Variants in TCP11 observed in about 807,000 individuals in gnomAD.
TCP11 encodes t-complex 11.
TCP11 carries 34 observed loss-of-function variants against 45.0 expected under a neutral mutation model. The ratio of observed to expected loss-of-function variants is 0.76; its 90% CI spans 0.57 to 1.01. The LOEUF (loss-of-function observed/expected upper bound fraction) is 1.01, where lower values mean the gene tolerates loss of function less well. Ranked by LOEUF, TCP11 falls within the 50% of genes least tolerant of loss-of-function variation. The pLI is 0.00. For synonymous variants in TCP11, 227 were observed against 227.0 expected (o/e 1.00, Z 0.00); for missense variants, 523 against 598.1 (o/e 0.87, Z 1.31).
chr6:35,140,299 GC>G (rs1781577948), intron 2 of TCP11: 1 of 1,177,802 alleles, frequency 8.5e-7, no homozygotes. Flanking sequence ...AAGACCTTGT[GC>G]CCCAACAAGA....
chr6:35,141,182 G>T, intron 1 of TCP11, 23 bp downstream of exon 1: 1 of 1,374,482 alleles, frequency 7.3e-7, no homozygotes, highest in South Asian at 1.7e-5. Flanking sequence ...GCCCAGGCCC[G>T]CCTCCGGCTC....
chr6:35,127,301 C>T (rs1370324007), intron 4 of TCP11, among the ~76,000 whole-genome samples: 4 of 152,198 alleles, frequency 2.6e-5, no homozygotes, highest in Admixed American at 1.3e-4. Flanking sequence ...ATGCCTGAAA[C>T]TCAGGAGATT....
Position 35,122,266 on chromosome 6 carries a change from G to T in TCP11, c.429C>A (p.Asp143Glu). ...RIEIEEALDM[D>E]LLKQEAEHGA... ...CATGTTCTGCCTCCTGCTTGAGCAA[G>T]TCCATGTCCAGAGCTTCTTCAATCT... Residue 143 changes from aspartate to glutamate, a missense_variant, in exon 5 of 10, where the codon GAC (aspartate) becomes GAA (glutamate). Around this residue, in one of 2 missense-constraint regions of TCP11, gnomAD observed 225 missense variants for 210.2 expected, o/e 1.07. Transcript: ENST00000311875. The T allele has an allele frequency of 6.2e-7, 1 of 1,614,146 alleles. No homozygotes were observed. Among genetic ancestry groups the T allele is most frequent in the Non-Finnish European group, 8.5e-7 (1 of 1,180,032 alleles).
chr6:35,128,753 G>T lies in TCP11; in HGVS notation c.357+309C>A, dbSNP rs1057007152. On this transcript the variant is annotated intron_variant, in intron 4 of 9. Transcript: ENST00000311875. ...CAGTAACGTCTCATGGCATAGCTATGCCCTCTCAAATGAGGTCCTTGGTTG... is the reference window on the plus strand; with the variant it reads ...CAGTAACGTCTCATGGCATAGCTATTCCCTCTCAAATGAGGTCCTTGGTTG... 3 of 244,286 alleles carry T rather than the reference G, an allele frequency of 1.2e-5. No individual in the cohort carries two copies. The East Asian group carries it at 3.6e-4, about 30-fold the overall frequency. The allele number at this position is 244,286 out of a possible 1,614,324, so 15.1% of individuals were successfully genotyped here.
chr6:35,136,111 T>C lies in TCP11; in HGVS notation c.232A>G (p.Ser78Gly), dbSNP rs771291103. 3.7e-6 allele frequency: 6 copies of C among 1,613,072 alleles called. No individual in the cohort carries two copies. The South Asian group carries it at 5.5e-5, about 15-fold the overall frequency. The part of the protein sequence containing the change: ...YYMEEKVLPP[S>G]SLEGKVKETV... ...AGAAAGAAGAAGAGTCTATACCTGC[T>C]TGGAGGTAAAACCTTCTCTTCCATG... Residue 78 changes from serine (S) to glycine (G), a missense_variant, in exon 3 of 10, where the codon AGC becomes GGC. Ser to Gly is a moderately conservative substitution (Grantham distance 56, BLOSUM62 0). Coordinates refer to ENST00000311875, the MANE Select transcript of TCP11 (RefSeq NM_001370687.1).
At position 35,136,345 on chromosome 6, in the gene TCP11, T is replaced by C. The variant is rs1258018795; in HGVS notation, c.125-127A>G. 4.7e-6 allele frequency: 3 copies of C among 638,506 alleles called. No individual in the cohort carries two copies. The East Asian group carries it at 8.5e-5, about 18-fold the overall frequency. The allele number at this position is 638,506 out of a possible 1,614,324, so 39.6% of individuals were successfully genotyped here. On this transcript the variant is annotated intron_variant, in intron 2 of 9. Coordinates refer to ENST00000311875, the MANE Select transcript of TCP11 (RefSeq NM_001370687.1). The stretch of plus-strand genomic sequence containing the variant: ...CTTACACAGACTCACCCAACTATTC[T>C]AGTGATTTATGTTTTCTGCACTCTA...
chr6:35,126,385 A>G (rs1779822532), intron 4 of TCP11, among the ~76,000 whole-genome samples: 1 of 152,158 alleles, frequency 6.6e-6, no homozygotes, highest in Non-Finnish European at 1.5e-5. Context: ...TAATCACAGA[A>G]TGCCTTATCA....
intron 3 of TCP11, among the ~76,000 whole-genome samples, chr6:35,135,266 T>C (rs1450071112): frequency 6.6e-6 from 1 of 152,138 alleles, no homozygotes; most frequent in African/African-American, 2.4e-5. Context: ...GTTCTCTCCC[T>C]TGGAGGAAAG....
At chr6:35,136,568 G>C (rs1781141370) in intron 2 of TCP11, among the ~76,000 whole-genome samples, 1 of 91,378 alleles carries the variant, frequency 1.1e-5, no homozygotes, top group Admixed American at 1.3e-4. Flanking sequence ...TAAGTATTAA[G>C]GTTCCACGTT....
intron 3 of TCP11, among the ~76,000 whole-genome samples, chr6:35,135,203 G>A (rs545631124): frequency 6.6e-6 from 1 of 151,908 alleles, no homozygotes; most frequent in South Asian, 2.1e-4. Flanking sequence ...TCTGAGATCA[G>A]GTAACAAAAA....
Position 35,140,896 on chromosome 6 carries a change from AG to A in TCP11, c.-14-13del. 6.5e-7 allele frequency: 1 copy of A among 1,530,304 alleles called. No homozygotes were observed. The highest frequency in any genetic ancestry group is 8.8e-7 in the Non-Finnish European group (1 of 1,142,082). 94.8% of individuals were successfully genotyped at this position (1,530,304 alleles called of 1,614,324 possible). A position where few individuals can be genotyped will look rare whatever the true frequency, so the allele number is the denominator to read the frequency against. On this transcript the variant is annotated splice_polypyrimidine_tract_variant and intron_variant, in intron 1 of 9. Transcript: ENST00000311875. ...TTTGCTGATGGTATCTGGGTGAGGG[AG>A]AAAGGCGTGTTGTTGGCGTCGGGGA...
chr6:35,135,326 A>G (rs1780950989), intron 3 of TCP11, among the ~76,000 whole-genome samples: 1 of 152,132 alleles, frequency 6.6e-6, no homozygotes, highest in Admixed American at 6.6e-5. Context: ...AGTATATAAT[A>G]TATAGTACAT....
At chr6:35,136,515 C>A in intron 2 of TCP11, among the ~76,000 whole-genome samples, 1 of 142,404 alleles carries the variant, frequency 7.0e-6, no homozygotes, top group African/African-American at 2.7e-5. Context: ...TTTATAGCAG[C>A]AAAGAAACAA....
chr6:35,135,092 A>G (rs1306587152), intron 3 of TCP11, among the ~76,000 whole-genome samples: 9 of 151,418 alleles, frequency 5.9e-5, no homozygotes, highest in Admixed American at 3.3e-4. Flanking sequence ...GGTTGCAGTG[A>G]GCCGAGATCG....
chr6:35,119,093 C>T, intron 9 of TCP11, 135 bp downstream of exon 9: 1 of 1,172,862 alleles, frequency 8.5e-7, no homozygotes, highest in East Asian at 2.4e-5. Flanking sequence ...TGATTTCAAC[C>T]CAGCATTTTG....
At chr6:35,125,695 A>T (rs1779743922) in intron 4 of TCP11, among the ~76,000 whole-genome samples, 1 of 152,240 alleles carries the variant, frequency 6.6e-6, no homozygotes, top group South Asian at 2.1e-4. Flanking sequence ...CAGGGACTCA[A>T]ATATATACTT....
At chr6:35,128,945 T>C (rs1375422976) in intron 4 of TCP11, 117 bp downstream of exon 4, 6 of 1,306,268 alleles carry the variant, frequency 4.6e-6, no homozygotes, top group Non-Finnish European at 6.2e-6. Flanking sequence ...TTTCTGTCTA[T>C]TGCTTAGTCT....
Position 35,129,012 on chromosome 6 carries a change from G to A in TCP11, c.357+50C>T, listed in dbSNP as rs759974180. 1.9e-6 allele frequency: 3 copies of A among 1,599,270 alleles called. No homozygotes were observed. The East Asian group carries it at 6.7e-5, about 36-fold the overall frequency. On this transcript the variant is annotated intron_variant, in intron 4 of 9. Transcript: ENST00000311875. The stretch of plus-strand genomic sequence containing the variant: ...ATTTGCTAGCCACTGACACTCCAAT[G>A]AGCTGGAGATGTCTAGAAACTTTAC...
At chr6:35,133,940 T>C (rs1305358242) in intron 3 of TCP11, among the ~76,000 whole-genome samples, 1 of 152,114 alleles carries the variant, frequency 6.6e-6, no homozygotes, top group African/African-American at 2.4e-5. Flanking sequence ...GGTGTGGGTA[T>C]GGAAGCATTC....
Sources: allele counts gnomAD v4.1 joint callset (sites outside exome capture counted in the v4.1 genomes callset), GRCh38; gene constraint gnomAD v4.1.1; regional missense constraint gnomAD v4.1.1; transcripts MANE v1.5; gene names NCBI Gene and HGNC (gene_info 2026-07-23, HGNC 2026-07-21).